Variants in TMEM87B observed in about 807,000 individuals in gnomAD.
TMEM87B encodes the protein transmembrane protein 87B.
A neutral mutation model predicts 80.3 loss-of-function variants in TMEM87B; 83 were observed. The ratio of observed to expected loss-of-function variants is 1.03; its 90% CI spans 0.87 to 1.24. The LOEUF (loss-of-function observed/expected upper bound fraction) is 1.24. Ranked by LOEUF, TMEM87B falls within the 50% of genes most tolerant of loss-of-function variation. The probability of loss-of-function intolerance (pLI) is 0.00; values close to 1 mark genes in which losing one functional copy is unlikely to be tolerated. For missense variants in TMEM87B, 625 were observed against 674.4 expected, an observed-to-expected ratio of 0.93 and a Z score of 0.81; for synonymous variants, 219 against 230.5, an observed-to-expected ratio of 0.95 and a Z score of 0.45.
At chr2:112,112,535 C>T (rs1264061014) in intron 17 of TMEM87B, among the ~76,000 whole-genome samples, 1 of 152,226 alleles carries the variant, frequency 6.6e-6, no homozygotes, top group Admixed American at 6.5e-5. Context: ...TTCCCTTTCA[C>T]ATCAGGAGCC....
chr2:112,110,605 G>T (rs1002276846), intron 17 of TMEM87B, among the ~76,000 whole-genome samples: 1 of 151,952 alleles, frequency 6.6e-6, no homozygotes, highest in East Asian at 1.9e-4. Flanking sequence ...AAGGTTCCTG[G>T]TTTGAGTGCC....
intron 9 of TMEM87B, 52 bp downstream of exon 9, chr2:112,086,156 C>A: frequency 1.4e-6 from 2 of 1,421,822 alleles, no homozygotes; most frequent in Non-Finnish European, 2.0e-6. Flanking sequence ...GTGATTCAGT[C>A]CGTCTACATT....
intron 15 of TMEM87B, among the ~76,000 whole-genome samples, chr2:112,102,253 T>C (rs1249637407): frequency 1.3e-5 from 2 of 152,144 alleles, no homozygotes; most frequent in Non-Finnish European, 2.9e-5. Context: ...CATTAATGAG[T>C]GGGCATACAA....
chr2:112,096,613 CAAATAATAAAATG>C lies in TMEM87B; in HGVS notation c.1105-429_1105-417del, dbSNP rs1167338128. On this transcript the variant is annotated intron_variant, in intron 11 of 18. Transcript: ENST00000283206. ...ACCTAACCTCTTAATTATGGTTATT[CAAATAATAAAATG>C]AGAATAGACTGGAAAGATCAAAATA... Among the ~76,000 whole-genome samples the C allele has an allele frequency of 4.6e-5, 7 of 152,046 alleles. No homozygotes were observed. In the South Asian group the frequency reaches 1.2e-3, roughly 27 times the overall value.
chr2:112,087,291 A>T lies in TMEM87B; in HGVS notation c.938+1187A>T, dbSNP rs74566070. 5.4e-3 allele frequency among the ~76,000 whole-genome samples: 818 copies of T among 152,272 alleles called. 6 individuals carry two copies. Among genetic ancestry groups the T allele is most frequent in the African/African-American group, 0.017 (722 of 41,574 alleles). ...GCCCTGGACCACACTGAGGGGGCCTACTTGCCATTCATGACCCTAAACTTC... is the reference window on the plus strand; with the variant it reads ...GCCCTGGACCACACTGAGGGGGCCTTCTTGCCATTCATGACCCTAAACTTC... On this transcript the variant is annotated intron_variant, in intron 9 of 18. Transcript: ENST00000283206.
chr2:112,116,001 C>T (rs1680012889), intron 18 of TMEM87B, 83 bp from the exon 19 acceptor site: 1 of 985,704 alleles, frequency 1.0e-6, no homozygotes, highest in East Asian at 2.4e-5. Flanking sequence ...CTAAATGTGG[C>T]TGTTGAAAGA....
intron 9 of TMEM87B, among the ~76,000 whole-genome samples, chr2:112,088,515 CT>C (rs1167837418): frequency 6.6e-6 from 1 of 152,076 alleles, no homozygotes; most frequent in African/African-American, 2.4e-5. Flanking sequence ...GCTATGACCA[CT>C]AACTTAATTT....
chr2:112,092,261 A>G (rs530938065), intron 11 of TMEM87B, among the ~76,000 whole-genome samples: 114 of 152,288 alleles, frequency 7.5e-4, no homozygotes, highest in African/African-American at 2.5e-3. Flanking sequence ...ATTAGGGAAG[A>G]GGTATTCTAG....
At chr2:112,059,539 C>T (rs750626284) in intron 1 of TMEM87B, among the ~76,000 whole-genome samples, 41 of 152,168 alleles carry the variant, frequency 2.7e-4, no homozygotes, top group Non-Finnish European at 4.9e-4. Flanking sequence ...TTATTCACGT[C>T]CTATAGGCTA....
At chr2:112,057,921 G>A (rs909000644) in intron 1 of TMEM87B, among the ~76,000 whole-genome samples, 3 of 150,302 alleles carry the variant, frequency 2.0e-5, no homozygotes, top group African/African-American at 4.9e-5. Context: ...TCCACCTCCC[G>A]GGTTCAGGGG....
In TMEM87B at chr2:112,116,392, ACAGATG is replaced by A; in HGVS notation, c.*251_*256del. 2.8e-6 allele frequency: 1 copy of A among 358,626 alleles called. No individual in the cohort carries two copies. The highest frequency in any genetic ancestry group is 5.0e-6 in the Non-Finnish European group (1 of 199,414). The allele number at this position is 358,626 out of a possible 1,614,324, so 22.2% of individuals were successfully genotyped here. A position where few individuals can be genotyped will look rare whatever the true frequency, so the allele number is the denominator to read the frequency against. On this transcript the variant is annotated 3_prime_UTR_variant, in exon 19 of 19. Coordinates refer to ENST00000283206, the MANE Select transcript of TMEM87B (RefSeq NM_032824.3). ...GGAAAGTATTATGATAAAGATCTGC[ACAGATG>A]CCTCTTAGCTGATAGGTGGCAGGCC...
At chr2:112,094,627 C>G (rs1475664080) in intron 11 of TMEM87B, among the ~76,000 whole-genome samples, 1 of 152,108 alleles carries the variant, frequency 6.6e-6, no homozygotes, top group Non-Finnish European at 1.5e-5. Context: ...TTCACACATT[C>G]CAGTATCTGA....
intron 15 of TMEM87B, 85 bp from the exon 16 acceptor site, chr2:112,105,917 G>A (rs1413191970): frequency 2.1e-6 from 2 of 947,056 alleles, no homozygotes; most frequent in East Asian, 3.1e-5. Flanking sequence ...AAAAGATATA[G>A]TATTTTTTCT....
chr2:112,116,166 A>G lies in TMEM87B; in HGVS notation c.*23A>G. ...TGATTGGAACCCGTATAAGAAATGTAGTTAAGCCTGAAGGACTATCCTTCA... is the reference window on the plus strand; with the variant it reads ...TGATTGGAACCCGTATAAGAAATGTGGTTAAGCCTGAAGGACTATCCTTCA... On this transcript the variant is annotated 3_prime_UTR_variant, in exon 19 of 19. Coordinates refer to ENST00000283206, the MANE Select transcript of TMEM87B (RefSeq NM_032824.3). The G allele has an allele frequency of 6.2e-7, 1 of 1,602,306 alleles. No individual in the cohort carries two copies. Among genetic ancestry groups the G allele is most frequent in the South Asian group, 1.1e-5 (1 of 89,664 alleles).
At chr2:112,080,435 A>G (rs1174354429) in intron 6 of TMEM87B, among the ~76,000 whole-genome samples, 1 of 144,882 alleles carries the variant, frequency 6.9e-6, no homozygotes, top group Non-Finnish European at 1.5e-5. Context: ...AATTTTTTGT[A>G]TTTTTAGTAG....
At chr2:112,070,649 G>A (rs998029170) in intron 4 of TMEM87B, among the ~76,000 whole-genome samples, 3 of 152,050 alleles carry the variant, frequency 2.0e-5, no homozygotes, top group African/African-American at 7.2e-5. Context: ...GATTGCCTTG[G>A]CTATTCGGGC....
In TMEM87B at chr2:112,085,924, A is replaced by T. The variant is rs568711404; in HGVS notation, c.839-81A>T. 6.3e-4 allele frequency: 724 copies of T among 1,141,386 alleles called. 8 individuals are homozygous for T. The South Asian group carries it at 9.5e-3, about 15-fold the overall frequency. The allele number at this position is 1,141,386 out of a possible 1,614,324, so 70.7% of individuals were successfully genotyped here. ...GTCTGAAGTTCGAATGTAGTTATAC[A>T]CAGGACATGTTGTTGAGAATCTTGG... is the stretch of plus-strand genomic sequence containing the variant. On this transcript the variant is annotated intron_variant, in intron 8 of 18. Transcript: ENST00000283206.
chr2:112,062,521 T>C (rs192647669), intron 2 of TMEM87B, among the ~76,000 whole-genome samples: 41 of 152,330 alleles, frequency 2.7e-4, no homozygotes, highest in African/African-American at 9.6e-4. Context: ...GTAGCAAACA[T>C]CATACTGTCA....
intron 7 of TMEM87B, 102 bp downstream of exon 7, chr2:112,081,220 G>T: frequency 1.4e-6 from 2 of 1,427,436 alleles, no homozygotes; most frequent in Admixed American, 3.7e-5. Context: ...GACATATCCT[G>T]TATTTCTGGT....
Sources: allele counts gnomAD v4.1 joint callset (sites outside exome capture counted in the v4.1 genomes callset), GRCh38; gene constraint gnomAD v4.1.1; transcripts MANE v1.5; gene names NCBI Gene and HGNC (gene_info 2026-07-23, HGNC 2026-07-21).